The following CLVS1 variants were observed in gnomAD, a reference collection of about 807,000 sequenced individuals.
The protein encoded by CLVS1 is clavesin-1.
Under a neutral mutation model 33.1 loss-of-function variants are expected in CLVS1, and 10 were observed. The observed-to-expected ratio is 0.30, with a 90% CI of 0.19 to 0.51. The LOEUF (loss-of-function observed/expected upper bound fraction) is 0.51, where lower values mean the gene tolerates loss of function less well. Among genes scored for constraint, CLVS1 ranks in the 20% least tolerant of loss-of-function variants. The pLI, the probability that CLVS1 is intolerant of heterozygous loss-of-function variation, is 0.97. For synonymous variants in CLVS1, 163 were observed against 166.1 expected (o/e 0.98, Z 0.14); for missense variants, 343 against 433.4 (o/e 0.79, Z 1.85).
chr8:61,050,343 G>C, the CLVS1 span, among the ~76,000 whole-genome samples: 17 of 152,310 alleles, frequency 1.1e-4, no homozygotes, highest in East Asian at 2.9e-3. Context: ...CTTGTGCTTT[G>C]CTTGCATCTC....
intron 3 of CLVS1, among the ~76,000 whole-genome samples, chr8:61,393,035 C>T (rs773021592): frequency 7.9e-5 from 12 of 151,866 alleles, no homozygotes; most frequent in Non-Finnish European, 1.8e-4. Context: ...AGGCAGGTGC[C>T]ACCACGCCCA....
intron 1 of CLVS1, among the ~76,000 whole-genome samples, chr8:61,060,698 G>T (rs936592504): frequency 1.3e-5 from 2 of 152,064 alleles, no homozygotes; most frequent in African/African-American, 4.8e-5. Context: ...TATTATCGGG[G>T]CATGGACTCT....
chr8:61,457,154 C>A lies in CLVS1; in HGVS notation c.742-1153C>A, dbSNP rs564351259. Among the ~76,000 whole-genome samples, 13 of 152,120 alleles carry A rather than the reference C, an allele frequency of 8.5e-5. No homozygotes were observed. In the South Asian group the frequency reaches 2.7e-3, roughly 32 times the overall value. On this transcript the variant is annotated intron_variant, in intron 4 of 5. Transcript: ENST00000325897. ...GTTTCAACATGTTGGCCAGGCTGGT[C>A]TCGAACTCCTGACCTCAGGTGATCT...
chr8:61,262,153 A>G (rs1486639695), intron 2 of CLVS1, among the ~76,000 whole-genome samples: 4 of 152,062 alleles, frequency 2.6e-5, no homozygotes, highest in Non-Finnish European at 5.9e-5. Context: ...AGTGGACAGT[A>G]CAGGCACATG....
At chr8:61,265,733 G>A (rs958533165) in intron 2 of CLVS1, among the ~76,000 whole-genome samples, 22 of 152,156 alleles carry the variant, frequency 1.4e-4, no homozygotes, top group African/African-American at 5.1e-4. Flanking sequence ...CTTACCCTCT[G>A]TTACTACAGA....
chr8:61,384,363 G>A, intron 3 of CLVS1, among the ~76,000 whole-genome samples: 1 of 152,194 alleles, frequency 6.6e-6, no homozygotes, highest in Non-Finnish European at 1.5e-5. Flanking sequence ...TGAGCAGGGA[G>A]GGGTTAGAGG....
chr8:61,454,290 AT>A (rs1817070589), intron 4 of CLVS1, 39 bp downstream of exon 4: 4 of 1,436,630 alleles, frequency 2.8e-6, no homozygotes, highest in African/African-American at 2.8e-5. Context: ...TCCTGGTACA[AT>A]TTTGGTGCTT....
intron 2 of CLVS1, among the ~76,000 whole-genome samples, chr8:61,247,160 G>A (rs1367516100): frequency 1.3e-5 from 2 of 152,168 alleles, no homozygotes; most frequent in African/African-American, 4.8e-5. Context: ...ATATTCCATG[G>A]TGTGTATACA....
At chr8:61,359,240 A>C (rs2129599801) in intron 2 of CLVS1, among the ~76,000 whole-genome samples, 1 of 152,348 alleles carries the variant, frequency 6.6e-6, no homozygotes, top group African/African-American at 2.4e-5. Context: ...CGTATGTTTA[A>C]GTTTTCAGAC....
At chr8:61,341,418 A>G (rs1238289443) in intron 2 of CLVS1, among the ~76,000 whole-genome samples, 1 of 152,242 alleles carries the variant, frequency 6.6e-6, no homozygotes, top group African/African-American at 2.4e-5. Context: ...CAATGTGTTC[A>G]CAGCTGGCTG....
intron 1 of CLVS1, among the ~76,000 whole-genome samples, chr8:61,107,353 T>G (rs1045079933): frequency 6.6e-6 from 1 of 152,188 alleles, no homozygotes; most frequent in Non-Finnish European, 1.5e-5. Context: ...CAACAGAAAT[T>G]TACTGCTCAC....
chr8:61,098,244 C>T (rs533138505), intron 1 of CLVS1, among the ~76,000 whole-genome samples: 1 of 152,156 alleles, frequency 6.6e-6, no homozygotes, highest in East Asian at 1.9e-4. Flanking sequence ...GGATCGCCCT[C>T]ATGGTTTACA....
the CLVS1 span, chr8:60,966,190 TG>T: frequency 3.0e-6 from 1 of 333,010 alleles, no homozygotes; most frequent in Non-Finnish European, 6.0e-6. Flanking sequence ...TTTGGAGATG[TG>T]AATGAAAACA....
At chr8:61,419,094 G>C (rs368150053) in intron 3 of CLVS1, among the ~76,000 whole-genome samples, 1 of 152,060 alleles carries the variant, frequency 6.6e-6, no homozygotes. Flanking sequence ...CACAAACAAG[G>C]CCACAAATAA....
intron 4 of CLVS1, among the ~76,000 whole-genome samples, chr8:61,456,204 T>C (rs1269039394): frequency 6.6e-6 from 1 of 152,202 alleles, no homozygotes; most frequent in East Asian, 1.9e-4. Context: ...CTCCTCCTTC[T>C]GCATTCCTCC....
intron 2 of CLVS1, among the ~76,000 whole-genome samples, chr8:61,334,705 G>A (rs1811725559): frequency 6.6e-6 from 1 of 152,196 alleles, no homozygotes; most frequent in African/African-American, 2.4e-5. Context: ...ACTTTCCACT[G>A]AGGGGAGGGG....
At chr8:61,128,503 T>C (rs1247119465) in intron 1 of CLVS1, among the ~76,000 whole-genome samples, 1 of 152,214 alleles carries the variant, frequency 6.6e-6, no homozygotes, top group African/African-American at 2.4e-5. Context: ...TTTATCTTAC[T>C]GCAAGCTCCT....
chr8:61,042,746 A>G, the CLVS1 span, among the ~76,000 whole-genome samples: 1 of 152,222 alleles, frequency 6.6e-6, no homozygotes, highest in South Asian at 2.1e-4. Flanking sequence ...TAAATATGGC[A>G]TTGGAAGGGA....
chr8:61,035,321 A>G, the CLVS1 span, among the ~76,000 whole-genome samples: 1 of 151,364 alleles, frequency 6.6e-6, no homozygotes, highest in Admixed American at 6.6e-5. Flanking sequence ...CTCAAAAATC[A>G]TTTTCCAGTC....
Sources: gnomAD v4.1 joint callset for allele counts (sites outside exome capture counted in the v4.1 genomes callset) on GRCh38, gnomAD v4.1.1 for gene constraint, MANE v1.5 for transcripts, NCBI Gene and HGNC (gene_info 2026-07-23, HGNC 2026-07-21) for gene names.